The following PDE10A variants were observed in gnomAD, a reference collection of about 807,000 sequenced individuals.
PDE10A encodes phosphodiesterase 10A, also known as cAMP and cAMP-inhibited cGMP 3',5'-cyclic phosphodiesterase 10A.
In PDE10A, 39 loss-of-function variants were observed where a neutral mutation model predicts 97.7. The ratio of observed to expected loss-of-function variants is 0.40; its 90% confidence interval spans 0.31 to 0.52. The LOEUF (loss-of-function observed/expected upper bound fraction) is 0.52. Among genes scored for constraint, PDE10A ranks in the 20% least tolerant of loss-of-function variants. The pLI, the probability that PDE10A is intolerant of heterozygous loss-of-function variation, is 0.56. For synonymous variants in PDE10A, 371 were observed against 376.8 expected (o/e 0.98, Z 0.18); for missense variants, 731 against 1,047.8 (o/e 0.70, Z 4.17).
At chr6:165,867,535 T>C (rs574682429) in intron 1 of PDE10A, among the ~76,000 whole-genome samples, 13 of 152,228 alleles carry the variant, frequency 8.5e-5, no homozygotes, top group Admixed American at 1.3e-4. Context: ...ATGAAGCCAT[T>C]ATTATTAGAG....
chr6:165,656,845 G>A (rs989059357), intron 1 of PDE10A, among the ~76,000 whole-genome samples: 2 of 152,170 alleles, frequency 1.3e-5, no homozygotes, highest in African/African-American at 2.4e-5. Context: ...GTGGGTGAGC[G>A]TGTCTGTGAA....
chr6:165,914,654 C>A (rs1334589181), intron 1 of PDE10A, among the ~76,000 whole-genome samples: 1 of 152,190 alleles, frequency 6.6e-6, no homozygotes, highest in Admixed American at 6.5e-5. Flanking sequence ...GTGAACCATC[C>A]TCGGGCAGTT....
intron 1 of PDE10A, among the ~76,000 whole-genome samples, chr6:165,596,463 T>A (rs1389244303): frequency 6.6e-6 from 1 of 152,178 alleles, no homozygotes; most frequent in Non-Finnish European, 1.5e-5. Flanking sequence ...GTGCAGCAGT[T>A]TATACCTGTA....
At chr6:165,467,296 G>A (rs1047181365) in intron 3 of PDE10A, among the ~76,000 whole-genome samples, 34 of 152,220 alleles carry the variant, frequency 2.2e-4, no homozygotes, top group African/African-American at 7.7e-4. Flanking sequence ...GGATGAAAGT[G>A]GCTATCCTAG....
At chr6:165,699,357 A>C (rs897451313) in intron 1 of PDE10A, among the ~76,000 whole-genome samples, 1 of 152,216 alleles carries the variant, frequency 6.6e-6, no homozygotes, top group Non-Finnish European at 1.5e-5. Flanking sequence ...AACCTAATGA[A>C]CATAAAAGGA....
chr6:165,739,031 C>T (rs534107883), intron 1 of PDE10A, among the ~76,000 whole-genome samples: 5 of 152,222 alleles, frequency 3.3e-5, no homozygotes, highest in Non-Finnish European at 7.4e-5. Flanking sequence ...TCTTCATAGA[C>T]TGGAAGAATT....
chr6:165,580,653 ATG>A (rs1253532899), intron 1 of PDE10A, among the ~76,000 whole-genome samples: 3 of 152,212 alleles, frequency 2.0e-5, no homozygotes, highest in African/African-American at 7.2e-5. Flanking sequence ...AGAGTGGTGA[ATG>A]AGAATAAAGA....
chr6:165,533,229 A>C (rs1782887995), intron 2 of PDE10A, among the ~76,000 whole-genome samples: 1 of 152,298 alleles, frequency 6.6e-6, no homozygotes, highest in South Asian at 2.1e-4. Flanking sequence ...GAGAGAAGCA[A>C]GTTTATACAG....
Position 165,331,758 on chromosome 6 carries a change from A to C in PDE10A, c.*1267T>G, listed in dbSNP as rs1314035040. 2 of 152,184 alleles carry C rather than the reference A, an allele frequency of 1.3e-5. No homozygotes were observed. Among genetic ancestry groups the C allele is most frequent in the Non-Finnish European group, 2.9e-5 (2 of 68,032 alleles). 9.4% of individuals were successfully genotyped at this position (152,184 alleles called of 1,614,324 possible). On this transcript the variant is annotated 3_prime_UTR_variant, in exon 22 of 22. Transcript: ENST00000539869. ...TACTTTCGTATTTTTTAAAACACTT[A>C]CATTGTATAGTAATACTGGTCAACC...
intron 1 of PDE10A, among the ~76,000 whole-genome samples, chr6:165,952,712 G>T (rs1784005021): frequency 1.3e-5 from 2 of 152,224 alleles, no homozygotes; most frequent in South Asian, 4.1e-4. Context: ...GCCCTGACCA[G>T]CCTGGCCTCA....
chr6:165,466,605 T>G (rs972508790), intron 3 of PDE10A, among the ~76,000 whole-genome samples: 1 of 152,238 alleles, frequency 6.6e-6, no homozygotes, highest in Non-Finnish European at 1.5e-5. Context: ...TGTCACATTT[T>G]GTAATTCTCA....
chr6:165,775,992 G>C (rs1354440717), intron 1 of PDE10A, among the ~76,000 whole-genome samples: 1 of 152,150 alleles, frequency 6.6e-6, no homozygotes, highest in Non-Finnish European at 1.5e-5. Flanking sequence ...AACATTGCCA[G>C]AGTTTTCAAG....
intron 18 of PDE10A, among the ~76,000 whole-genome samples, chr6:165,345,358 A>G (rs1782237684): frequency 6.6e-6 from 1 of 152,234 alleles, no homozygotes; most frequent in African/African-American, 2.4e-5. Flanking sequence ...TACTTAGACA[A>G]AGCACAAAAA....
chr6:165,636,683 G>T (rs1341967674), intron 1 of PDE10A, among the ~76,000 whole-genome samples: 1 of 152,128 alleles, frequency 6.6e-6, no homozygotes, highest in African/African-American at 2.4e-5. Flanking sequence ...CTATTATTTT[G>T]CAAAAACTGG....
At chr6:165,619,304 G>C (rs371105879) in intron 1 of PDE10A, among the ~76,000 whole-genome samples, 8 of 79,794 alleles carry the variant, frequency 1.0e-4, no homozygotes, top group African/African-American at 2.9e-4. Flanking sequence ...CTAGTGTAGT[G>C]TAGTGTAGTC....
intron 1 of PDE10A, among the ~76,000 whole-genome samples, chr6:165,876,025 C>A (rs1263633424): frequency 6.6e-6 from 1 of 152,184 alleles, no homozygotes; most frequent in Non-Finnish European, 1.5e-5. Context: ...ATGCATCTGG[C>A]AGCTCTATGC....
intron 10 of PDE10A, among the ~76,000 whole-genome samples, chr6:165,427,123 A>G (rs12211836): frequency 0.12 from 18,341 of 152,110 alleles, 1,181 homozygotes; most frequent in Middle Eastern, 0.16. Context: ...ATATACCCCA[A>G]ACAATGGAAA....
At chr6:165,755,279 T>C (rs1160162498) in intron 1 of PDE10A, among the ~76,000 whole-genome samples, 1 of 152,230 alleles carries the variant, frequency 6.6e-6, no homozygotes, top group Admixed American at 6.5e-5. Context: ...TGGCAATTAT[T>C]ATTTCATGCT....
At chr6:165,471,245 G>A (rs1027160073) in intron 3 of PDE10A, among the ~76,000 whole-genome samples, 5 of 151,902 alleles carry the variant, frequency 3.3e-5, no homozygotes, top group African/African-American at 4.8e-5. Flanking sequence ...TCCACCTCTT[G>A]TGTTCAGTCT....
Sources: gnomAD v4.1 joint callset for allele counts (sites outside exome capture counted in the v4.1 genomes callset) on GRCh38, gnomAD v4.1.1 for gene constraint, MANE v1.5 for transcripts, NCBI Gene and HGNC (gene_info 2026-07-23, HGNC 2026-07-21) for gene names.